CHD2: variants seen among roughly 807,000 people sequenced by gnomAD.
The protein encoded by CHD2 is ATP-dependent chromatin remodeler CHD2.
A neutral mutation model predicts 243.9 loss-of-function variants in CHD2; 28 were observed. The ratio of observed to expected loss-of-function variants is 0.11; its 90% CI spans 0.09 to 0.16. CHD2 has a LOEUF of 0.16. CHD2 is among the 10% of genes least tolerant of loss of function. The pLI is 1.00. For missense variants in CHD2, 1,386 were observed against 2,209.8 expected (o/e 0.63, Z 7.47); for synonymous variants, 775 against 779.0 (o/e 0.99, Z 0.09).
chr15:92,914,333 G>GTAT (rs2052794942), intron 2 of CHD2, among the ~76,000 whole-genome samples: 1 of 152,202 alleles, frequency 6.6e-6, no homozygotes, highest in Admixed American at 6.5e-5. Flanking sequence ...TGTCTTTTGT[G>GTAT]TATTAGCACA....
chr15:92,995,371 GGAGCATCTTGTTTTCGTTT>G (rs2054174153), intron 28 of CHD2, among the ~76,000 whole-genome samples: 1 of 152,060 alleles, frequency 6.6e-6, no homozygotes, highest in South Asian at 2.1e-4. Flanking sequence ...AGGTACATTT[GGAGCATCTTGTTTTCGTTT>G]TTTGTTCCCC....
chr15:93,012,575 A>G (rs1180839305), intron 36 of CHD2, 131 bp downstream of exon 36: 13 of 584,546 alleles, frequency 2.2e-5, no homozygotes, highest in South Asian at 4.6e-5. Flanking sequence ...TAGTCAAACA[A>G]TAAGACCAGA....
chr15:93,019,961 G>C, intron 37 of CHD2, 51 bp from the exon 38 acceptor site: 1 of 1,555,420 alleles, frequency 6.4e-7, no homozygotes, highest in Non-Finnish European at 8.7e-7. Flanking sequence ...TAGTGAAAGT[G>C]AAATTCATCC....
chr15:92,968,631 C>A (rs557967122), intron 17 of CHD2, among the ~76,000 whole-genome samples: 2 of 152,312 alleles, frequency 1.3e-5, no homozygotes, highest in South Asian at 4.1e-4. Context: ...TAAAAAGAAA[C>A]TTTCCCATGT....
chr15:92,908,037 C>T (rs1218612592), intron 2 of CHD2, among the ~76,000 whole-genome samples: 3 of 144,066 alleles, frequency 2.1e-5, no homozygotes, highest in African/African-American at 7.8e-5. Flanking sequence ...TGAGAAGAGC[C>T]AGCCTTTTGA....
At chr15:92,972,122 C>T (rs1567147332) in intron 18 of CHD2, 143 bp from the exon 19 acceptor site, 6 of 1,031,318 alleles carry the variant, frequency 5.8e-6, no homozygotes, top group Non-Finnish European at 8.4e-6. Flanking sequence ...GGAAAAAGAA[C>T]ATTTCGGGAA....
intron 2 of CHD2, among the ~76,000 whole-genome samples, chr15:92,923,351 C>G (rs910091414): frequency 6.6e-6 from 1 of 152,038 alleles, no homozygotes; most frequent in African/African-American, 2.4e-5. Context: ...TCCTCGACTT[C>G]CTAGGCTCAA....
Position 92,985,620 on chromosome 15 carries a change from G to A in CHD2, c.3360G>A (p.Pro1120=), listed in dbSNP as rs1191117970. ...DDKKPKRRGR[P]RSVRKDLVEG... is the part of the protein sequence containing the mutation. The stretch of plus-strand genomic sequence containing the variant: ...AGAAGCCAAAGCGCAGAGGGCGTCC[G>A]AGGAGTGTGCGGAAGGACCTCGTGG... Residue 1120 remains proline, a synonymous_variant, in exon 26 of 39, where the codon CCG becomes CCA. Coordinates refer to ENST00000394196, the MANE Select transcript of CHD2 (RefSeq NM_001271.4). 2.5e-6 allele frequency: 4 copies of A among 1,613,856 alleles called. No homozygotes were observed. Among genetic ancestry groups the A allele is most frequent in the Admixed American group, 1.7e-5 (1 of 60,032 alleles).
intron 2 of CHD2, among the ~76,000 whole-genome samples, chr15:92,916,315 C>G (rs1025877832): frequency 2.0e-5 from 3 of 152,236 alleles, no homozygotes; most frequent in Non-Finnish European, 4.4e-5. Flanking sequence ...TGATTGAGCT[C>G]TGTTTCAGAT....
At chr15:93,011,408 G>A (rs913034546) in intron 35 of CHD2, among the ~76,000 whole-genome samples, 4 of 152,224 alleles carry the variant, frequency 2.6e-5, no homozygotes, top group Non-Finnish European at 5.9e-5. Flanking sequence ...GATGAACAGA[G>A]TTCTCAGGCT....
At chr15:92,923,711 G>A (rs1216176327) in intron 2 of CHD2, among the ~76,000 whole-genome samples, 5 of 151,888 alleles carry the variant, frequency 3.3e-5, no homozygotes, top group Non-Finnish European at 5.9e-5. Context: ...GACTGCAGGT[G>A]TGTGCCACCA....
intron 7 of CHD2, 54 bp downstream of exon 7, chr15:92,939,772 T>TA (rs755394194): frequency 2.5e-6 from 4 of 1,572,542 alleles, no homozygotes; most frequent in Non-Finnish European, 3.4e-6. Flanking sequence ...AGTAGTTGGT[T>TA]AGATTTTGGT....
At chr15:92,945,329 CAG>C (rs1369976915) in intron 10 of CHD2, 1 of 151,182 alleles carries the variant, frequency 6.6e-6, no homozygotes, top group Non-Finnish European at 1.5e-5. Context: ...CAAAGGGGAA[CAG>C]AGAAGTGGAG....
intron 2 of CHD2, among the ~76,000 whole-genome samples, chr15:92,905,889 A>T (rs1596363811): frequency 6.6e-6 from 1 of 152,366 alleles, no homozygotes; most frequent in Admixed American, 6.5e-5. Flanking sequence ...AACGAAAGTA[A>T]TAATCTCACC....
At chr15:92,978,936 C>G (rs965916749) in intron 21 of CHD2, among the ~76,000 whole-genome samples, 199 bp from the exon 22 acceptor site, 3 of 152,182 alleles carry the variant, frequency 2.0e-5, no homozygotes, top group African/African-American at 7.2e-5. Flanking sequence ...TTATTTAAGA[C>G]TGTAACCTGC....
At chr15:92,982,346 C>T (rs1267192192) in intron 24 of CHD2, among the ~76,000 whole-genome samples, 1 of 152,146 alleles carries the variant, frequency 6.6e-6, no homozygotes, top group Non-Finnish European at 1.5e-5. Flanking sequence ...TTTGGGACAG[C>T]CATGGATGAG....
chr15:92,954,296 C>G (rs1698281691), intron 14 of CHD2: 1 of 152,222 alleles, frequency 6.6e-6, no homozygotes, highest in African/African-American at 2.4e-5. Context: ...ACACGCGACC[C>G]TAGCGAGCAA....
Position 92,967,503 on chromosome 15 carries a change from C to G in CHD2, c.2179C>G (p.Gln727Glu). The G allele has an allele frequency of 2.5e-6, 4 of 1,613,202 alleles. No homozygotes were observed. Among genetic ancestry groups the G allele is most frequent in the Non-Finnish European group, 3.4e-6 (4 of 1,179,594 alleles). Reference protein sequence around the residue: ...LRVEMSALQKQYYKWILTRNY... With the variant: ...LRVEMSALQKEYYKWILTRNY... The stretch of plus-strand genomic sequence containing the variant: ...GGTGGAGATGTCAGCCCTTCAGAAA[C>G]AGTATTACAAGTAAGTTCTTGTTTG... The change falls in exon 17 of 39, where the codon CAG becomes GAG. Residue 727 changes from glutamine (Q) to glutamate (E), a missense_variant. By Grantham distance (29) the Gln-to-Glu change is conservative. Transcript: ENST00000394196.
chr15:92,985,518 C>T lies in CHD2; in HGVS notation c.3258C>T (p.Asp1086=), dbSNP rs769259556. 2 of 1,613,580 alleles carry T rather than the reference C, an allele frequency of 1.2e-6. No individual in the cohort carries two copies. Among genetic ancestry groups the T allele is most frequent in the Admixed American group, 1.7e-5 (1 of 59,966 alleles). Residue 1086 remains aspartate, a synonymous_variant, in exon 26 of 39, where the codon GAC becomes GAT. Coordinates refer to ENST00000394196, the MANE Select transcript of CHD2 (RefSeq NM_001271.4). ...STKKAQTNDS[D]SDTESKRQAQ... is the part of the protein sequence containing the mutation. Reference sequence around the variant, plus strand: ...CTCAGGCTCAGACAAATGACAGTGACTCTGACACTGAGTCTAAGAGGCAGG... The same window carrying T: ...CTCAGGCTCAGACAAATGACAGTGATTCTGACACTGAGTCTAAGAGGCAGG...
Sources: allele counts gnomAD v4.1 joint callset (sites outside exome capture counted in the v4.1 genomes callset), GRCh38; gene constraint gnomAD v4.1.1; transcripts MANE v1.5; gene names NCBI Gene and HGNC (gene_info 2026-07-23, HGNC 2026-07-21).